The following SCNN1G variants were observed in gnomAD, a reference collection of about 807,000 sequenced individuals.
SCNN1G encodes sodium channel epithelial 1 subunit gamma, also known as epithelial sodium channel subunit gamma.
A neutral mutation model predicts 64.6 loss-of-function variants in SCNN1G; 27 were observed. The ratio of observed to expected loss-of-function variants is 0.42; its 90% confidence interval spans 0.31 to 0.58. SCNN1G has a LOEUF of 0.58. Ranked by LOEUF, SCNN1G falls within the 20% of genes least tolerant of loss-of-function variation. The probability of loss-of-function intolerance (pLI) is 0.18; values close to 1 mark genes in which losing one functional copy is unlikely to be tolerated. For synonymous variants in SCNN1G, 330 were observed against 314.2 expected, an observed-to-expected ratio of 1.05 and a Z score of -0.53; for missense variants, 743 against 823.4, an observed-to-expected ratio of 0.90 and a Z score of 1.19.
chr16:23,211,914 A>C, intron 7 of SCNN1G, 120 bp from the exon 8 acceptor site: 1 of 781,872 alleles, frequency 1.3e-6, no homozygotes, highest in Admixed American at 1.7e-5. Flanking sequence ...CATAAGGGGC[A>C]GGTTCATGTG....
rs1960148255 is a variant in SCNN1G, at chr16:23,215,561, TC to T, written c.*93del. Reference sequence around the variant, plus strand: ...CCCCAGACGTGTGCACAGGGGACCCTCTGCCCCACTCTGGGCTTTTCAGATA... The same window carrying T: ...CCCCAGACGTGTGCACAGGGGACCCTTGCCCCACTCTGGGCTTTTCAGATA... On this transcript the variant is annotated 3_prime_UTR_variant, in exon 13 of 13. Transcript: ENST00000300061. 7 of 1,466,728 alleles carry T rather than the reference TC, an allele frequency of 4.8e-6. No individual in the cohort carries two copies. Among genetic ancestry groups the T allele is most frequent in the South Asian group, 3.4e-5 (3 of 87,718 alleles). 90.9% of individuals were successfully genotyped at this position (1,466,728 alleles called of 1,614,324 possible). A position where few individuals can be genotyped will look rare whatever the true frequency, so the allele number is the denominator to read the frequency against.
chr16:23,209,844 T>C lies in SCNN1G; in HGVS notation c.1172T>C (p.Leu391Pro). ...IRNIYNAAYS[L>P]QICLHSCFQT... Reference sequence around the variant, plus strand: ...AACATCTACAACGCTGCCTACTCGCTCCAGGTAACAGATTGGCAGGGGCAC... The same window carrying C: ...AACATCTACAACGCTGCCTACTCGCCCCAGGTAACAGATTGGCAGGGGCAC... Residue 391 changes from leucine (L) to proline (P), a missense_variant, in exon 7 of 13, where the codon CTC becomes CCC. Physicochemically the swap from Leu to Pro is moderately conservative, Grantham distance 98. Transcript: ENST00000300061. 6.2e-7 allele frequency: 1 copy of C among 1,612,450 alleles called. No individual in the cohort carries two copies. Among genetic ancestry groups the C allele is most frequent in the South Asian group, 1.1e-5 (1 of 91,052 alleles).
Position 23,215,301 on chromosome 16 carries a change from A to G in SCNN1G, c.1782A>G (p.Pro594=). 2.5e-6 allele frequency: 4 copies of G among 1,614,148 alleles called. No homozygotes were observed. Among genetic ancestry groups the G allele is most frequent in the East Asian group, 2.2e-5 (1 of 44,878 alleles). Residue 594 remains proline (P), a synonymous_variant, in exon 13 of 13, where the codon CCA becomes CCG. Transcript: ENST00000300061. ...APRSPQGQDN[P]ALDIDDDLPT... ...GTAGCCCACAGGGCCAGGACAATCC[A>G]GCCCTGGATATAGACGATGACCTAC...
At chr16:23,207,538 T>TAGA (rs1168525542) in intron 6 of SCNN1G, among the ~76,000 whole-genome samples, 3 of 152,350 alleles carry the variant, frequency 2.0e-5, no homozygotes, top group African/African-American at 7.2e-5. Context: ...GTCTATTTAT[T>TAGA]CTGTACTGAC....
chr16:23,204,328 T>TAG (rs1567267122), intron 6 of SCNN1G, among the ~76,000 whole-genome samples: 29 of 45,020 alleles, frequency 6.4e-4, no homozygotes, highest in Non-Finnish European at 9.2e-4. Context: ...TATATATATA[T>TAG]ATATATAGAG....
In SCNN1G at chr16:23,215,793, T is replaced by C; in HGVS notation, c.*324T>C. The C allele has an allele frequency of 2.4e-6, 1 of 424,310 alleles. No individual in the cohort carries two copies. Among genetic ancestry groups the C allele is most frequent in the Non-Finnish European group, 4.4e-6 (1 of 227,958 alleles). 26.3% of individuals were successfully genotyped at this position (424,310 alleles called of 1,614,324 possible). A position where few individuals can be genotyped will look rare whatever the true frequency, so the allele number is the denominator to read the frequency against. ...CCAGAGTGAGGACTGATGCAGCTCT[T>C]TACGGGTCTTGAGAGGGAAGGACTC... is the stretch of plus-strand genomic sequence containing the variant. On this transcript the variant is annotated 3_prime_UTR_variant, in exon 13 of 13. Coordinates refer to ENST00000300061, the MANE Select transcript of SCNN1G (RefSeq NM_001039.4).
chr16:23,198,752 C>G (rs1480829426), intron 6 of SCNN1G, among the ~76,000 whole-genome samples: 1 of 151,756 alleles, frequency 6.6e-6, no homozygotes, highest in African/African-American at 2.4e-5. Flanking sequence ...AACAAACAAA[C>G]AAACAAAAAC....
In SCNN1G at chr16:23,189,360, C is replaced by T. The variant is rs752381954; in HGVS notation, c.318-11C>T. 4 of 1,612,458 alleles carry T rather than the reference C, an allele frequency of 2.5e-6. No individual in the cohort carries two copies. The highest frequency in any genetic ancestry group is 3.4e-6 in the Non-Finnish European group (4 of 1,179,994). Reference sequence around the variant, plus strand: ...TCCCCTCTCCCTGACTTTTCCTCCCCACCTTGGCAGGTACAGCACCGTTCG... The same window carrying T: ...TCCCCTCTCCCTGACTTTTCCTCCCTACCTTGGCAGGTACAGCACCGTTCG... On this transcript the variant is annotated splice_polypyrimidine_tract_variant and intron_variant, in intron 2 of 12. Transcript: ENST00000300061.
intron 7 of SCNN1G, among the ~76,000 whole-genome samples, chr16:23,210,476 G>A (rs74617645): frequency 0.027 from 4,153 of 152,260 alleles, 78 homozygotes; most frequent in Non-Finnish European, 0.04. Flanking sequence ...GGTGTTCTCT[G>A]GCTCCCACAG....
intron 6 of SCNN1G, 33 bp from the exon 7 acceptor site, chr16:23,209,717 G>C (rs1471890272): frequency 9.1e-6 from 14 of 1,537,624 alleles, no homozygotes; most frequent in Non-Finnish European, 1.2e-5. Flanking sequence ...CCGGGGGGAG[G>C]ACAGGGCTGA....
chr16:23,188,970 G>A (rs560779380), intron 2 of SCNN1G, among the ~76,000 whole-genome samples: 15 of 152,304 alleles, frequency 9.8e-5, no homozygotes, highest in Middle Eastern at 3.4e-3. Flanking sequence ...GGCAGAGTGA[G>A]CTGGGTGGAG....
chr16:23,184,401 A>T (rs1296093160), intron 1 of SCNN1G, among the ~76,000 whole-genome samples: 2 of 151,734 alleles, frequency 1.3e-5, no homozygotes, highest in Non-Finnish European at 2.9e-5. Flanking sequence ...ACTCTCGCTA[A>T]TTTTTTTCTT....
At chr16:23,190,132 T>A (rs933809430) in intron 3 of SCNN1G, among the ~76,000 whole-genome samples, 1 of 151,906 alleles carries the variant, frequency 6.6e-6, no homozygotes, top group African/African-American at 2.4e-5. Context: ...ACCTAATGCA[T>A]GCGGGGCTTA....
chr16:23,192,534 T>C lies in SCNN1G; in HGVS notation c.801T>C (p.Cys267=). The C allele has an allele frequency of 6.2e-7, 1 of 1,611,674 alleles. No homozygotes were observed. Among genetic ancestry groups the C allele is most frequent in the African/African-American group, 1.3e-5 (1 of 74,964 alleles). ...CCTGCTTCTTTGATGGAGTGTCCTG[T>C]GATGCCAGGTCAGGAGAGAATGCTG... ...LVTCFFDGVS[C]DARNFTLFHH... Residue 267 remains cysteine (C), a synonymous_variant, in exon 4 of 13, where the codon TGT becomes TGC. Coordinates refer to ENST00000300061, the MANE Select transcript of SCNN1G (RefSeq NM_001039.4).
chr16:23,191,600 A>G (rs1202055211), intron 3 of SCNN1G, among the ~76,000 whole-genome samples: 1 of 151,994 alleles, frequency 6.6e-6, no homozygotes, highest in Non-Finnish European at 1.5e-5. Flanking sequence ...TAATTTTTCT[A>G]TTTTTTATGG....
Position 23,189,870 on chromosome 16 carries a change from G to A in SCNN1G, c.618+199G>A, listed in dbSNP as rs190037822. On this transcript the variant is annotated intron_variant, in intron 3 of 12. Coordinates refer to ENST00000300061, the MANE Select transcript of SCNN1G (RefSeq NM_001039.4). The stretch of plus-strand genomic sequence containing the variant: ...GCGAATCACCTGAGGTCAGGAGTTC[G>A]AGACCAGCCTGGCCAACGTGGTAAA... Among the ~76,000 whole-genome samples the A allele has an allele frequency of 9.2e-5, 14 of 152,244 alleles. No homozygotes were observed. The East Asian group carries it at 2.1e-3, about 23-fold the overall frequency.
chr16:23,205,270 T>A (rs372270770), intron 6 of SCNN1G, among the ~76,000 whole-genome samples: 40 of 152,192 alleles, frequency 2.6e-4, no homozygotes, highest in African/African-American at 9.2e-4. Flanking sequence ...TTGACCATAA[T>A]ACGGTCCGTT....
At chr16:23,191,645 C>G (rs533659364) in intron 3 of SCNN1G, among the ~76,000 whole-genome samples, 1 of 152,124 alleles carries the variant, frequency 6.6e-6, no homozygotes, top group African/African-American at 2.4e-5. Context: ...GGGCTGGTCT[C>G]GAATTCCTGG....
At chr16:23,202,708 C>T (rs1959912710) in intron 6 of SCNN1G, among the ~76,000 whole-genome samples, 1 of 152,138 alleles carries the variant, frequency 6.6e-6, no homozygotes, top group African/African-American at 2.4e-5. Context: ...GATATTATAG[C>T]ACAGAAGCAA....
Sources: gnomAD v4.1 joint callset for allele counts (sites outside exome capture counted in the v4.1 genomes callset) on GRCh38, gnomAD v4.1.1 for gene constraint, MANE v1.5 for transcripts, NCBI Gene and HGNC (gene_info 2026-07-23, HGNC 2026-07-21) for gene names.